GRAMD4: variants seen among roughly 807,000 people sequenced by gnomAD.
The protein encoded by GRAMD4 is GRAM domain containing 4.
In GRAMD4, 25 loss-of-function variants were observed where a neutral mutation model predicts 83.9. The ratio of observed to expected loss-of-function variants is 0.30; its 90% CI spans 0.22 to 0.42. The LOEUF is 0.42. GRAMD4 is among the 10% of genes least tolerant of loss of function. The pLI is 1.00. For synonymous variants in GRAMD4, 336 were observed against 320.9 expected (o/e 1.05, Z -0.50); for missense variants, 593 against 788.7 (o/e 0.75, Z 2.97).
downstream of GRAMD4, among the ~76,000 whole-genome samples, chr22:46,680,701 T>TCCATCCATCCATCCACCCAC (rs2082662130): frequency 8.0e-6 from 1 of 125,622 alleles, no homozygotes; most frequent in Non-Finnish European, 1.7e-5. Flanking sequence ...CATCCACCCA[T>TCCATCCATCCATCCACCCAC]CCATCCATCC....
chr22:46,662,879 C>T (rs1198414808), intron 5 of GRAMD4, among the ~76,000 whole-genome samples, 161 bp from the exon 6 acceptor site: 1 of 152,166 alleles, frequency 6.6e-6, no homozygotes, highest in African/African-American at 2.4e-5. Context: ...GTCCCTTGTA[C>T]AGGGACCCTT....
At chr22:46,617,441 T>C (rs57001719), upstream of GRAMD4, among the ~76,000 whole-genome samples, 119,967 of 149,446 alleles carry the variant, frequency 0.8, 48,540 homozygotes, top group East Asian at 1. Context: ...TGGGTGTAGG[T>C]TCCCCCCATA....
intron 1 of GRAMD4, among the ~76,000 whole-genome samples, chr22:46,587,564 C>T (rs1299623790): frequency 6.6e-6 from 1 of 151,844 alleles, no homozygotes; most frequent in African/African-American, 2.4e-5. Context: ...GGGCCTCCAC[C>T]AGCAGCATAC....
At chr22:46,606,839 C>T (rs2081370292) in intron 1 of GRAMD4, among the ~76,000 whole-genome samples, 1 of 152,256 alleles carries the variant, frequency 6.6e-6, no homozygotes, top group Non-Finnish European at 1.5e-5. Context: ...ATGGGTGTGC[C>T]AGTATCTCTT....
At chr22:46,630,676 T>C (rs2081757073) in intron 2 of GRAMD4, among the ~76,000 whole-genome samples, 1 of 152,172 alleles carries the variant, frequency 6.6e-6, no homozygotes, top group African/African-American at 2.4e-5. Flanking sequence ...CGGCTCAGGA[T>C]CTCACCCTGG....
rs1383364353 is a variant in GRAMD4, at chr22:46,659,566, G to A, written c.404+1259G>A. ...TGTCATTGTCAGGACTCCAAGTGTC[G>A]CTGCTTAGCTGGCCCTGAGGAAGCG... On this transcript the variant is annotated intron_variant, in intron 4 of 18. Coordinates refer to ENST00000406902, the MANE Select transcript of GRAMD4 (RefSeq NM_015124.5). This position sits in a 1 kb window ranked among gnomAD's most constrained non-coding sequence, Gnocchi z 4.1. 6.6e-6 allele frequency among the ~76,000 whole-genome samples: 1 copy of A among 152,214 alleles called. No homozygotes were observed. Among genetic ancestry groups the A allele is most frequent in the Non-Finnish European group, 1.5e-5 (1 of 68,038 alleles).
At position 46,672,459 on chromosome 22, in the gene GRAMD4, G is replaced by A. The variant is rs995954478; in HGVS notation, c.1085-384G>A. ...AGGGACCTCAGATTTGGTGTCAGGTGTGGGGAATTGGGGCAGAGGAGGCAC... is the reference window on the plus strand; with the variant it reads ...AGGGACCTCAGATTTGGTGTCAGGTATGGGGAATTGGGGCAGAGGAGGCAC... On this transcript the variant is annotated intron_variant, in intron 13 of 18. Transcript: ENST00000406902. This position sits in a 1 kb window ranked among gnomAD's most constrained non-coding sequence, Gnocchi z 4.7. 1.3e-5 allele frequency among the ~76,000 whole-genome samples: 2 copies of A among 152,042 alleles called. No homozygotes were observed. Among genetic ancestry groups the A allele is most frequent in the African/African-American group, 4.8e-5 (2 of 41,386 alleles).
intron 4 of GRAMD4, 87 bp downstream of exon 4, chr22:46,658,394 T>A: frequency 8.4e-7 from 1 of 1,192,948 alleles, no homozygotes; most frequent in Non-Finnish European, 1.1e-6. Context: ...GCTGCACCCA[T>A]AGCGTCTTGG....
At chr22:46,680,586 CCATCCAT>C (rs2082658496), downstream of GRAMD4, among the ~76,000 whole-genome samples, 3 of 23,136 alleles carry the variant, frequency 1.3e-4, no homozygotes, top group African/African-American at 2.0e-4. Flanking sequence ...ATCCATCCAT[CCATCCAT>C]CCACCCACCC....
intron 2 of GRAMD4, among the ~76,000 whole-genome samples, chr22:46,629,584 A>C (rs746266924): frequency 2.0e-5 from 3 of 152,140 alleles, no homozygotes; most frequent in Non-Finnish European, 4.4e-5. Flanking sequence ...AGCCTCCCAG[A>C]AACATCCTGA....
chr22:46,627,350 C>T (rs2081681875), intron 2 of GRAMD4, among the ~76,000 whole-genome samples: 1 of 152,246 alleles, frequency 6.6e-6, no homozygotes. Flanking sequence ...AGCCAAGGTG[C>T]ACGTTTCCAG....
intron 3 of GRAMD4, among the ~76,000 whole-genome samples, chr22:46,643,159 C>CCATGCATCCATCCATGCATGCATGCATG (rs1258467222): frequency 1.5e-4 from 7 of 45,270 alleles, no homozygotes; most frequent in Non-Finnish European, 3.2e-4. Flanking sequence ...ATCCATCCAT[C>CCATGCATCCATCCATGCATGCATGCATG]CATCCATCCA....
chr22:46,584,326 G>A (rs2147910330), intron 1 of GRAMD4, among the ~76,000 whole-genome samples: 1 of 152,234 alleles, frequency 6.6e-6, no homozygotes, highest in South Asian at 2.1e-4. Context: ...CCTCTTAGCT[G>A]ACAGCAAGGA....
At chr22:46,601,801 A>G (rs1011458025) in intron 1 of GRAMD4, among the ~76,000 whole-genome samples, 1 of 152,140 alleles carries the variant, frequency 6.6e-6, no homozygotes, top group Non-Finnish European at 1.5e-5. Flanking sequence ...GTCTCTAAAA[A>G]ACTTTTTTTT....
chr22:46,654,075 T>C (rs1310761134), intron 3 of GRAMD4, among the ~76,000 whole-genome samples: 2 of 151,070 alleles, frequency 1.3e-5, no homozygotes, highest in African/African-American at 4.9e-5. Flanking sequence ...CCTTCGCTTA[T>C]CCAGTGAGCC....
chr22:46,615,906 A>G (rs867153190), upstream of GRAMD4, among the ~76,000 whole-genome samples: 1 of 83,002 alleles, frequency 1.2e-5, no homozygotes, highest in African/African-American at 4.9e-5. Flanking sequence ...CTGTGCGTGT[A>G]GGTTCCCCCG....
chr22:46,601,561 C>T (rs1444816890), intron 1 of GRAMD4, among the ~76,000 whole-genome samples: 1 of 151,978 alleles, frequency 6.6e-6, no homozygotes, highest in East Asian at 1.9e-4. Context: ...CTTTGGGAGG[C>T]TAAGGCGGGG....
chr22:46,608,110 C>CATGCAGTA (rs1356991333), intron 1 of GRAMD4, among the ~76,000 whole-genome samples: 1 of 152,228 alleles, frequency 6.6e-6, no homozygotes, highest in Non-Finnish European at 1.5e-5. Context: ...GGTTCGTGGA[C>CATGCAGTA]ATGCAGTATT....
intron 1 of GRAMD4, among the ~76,000 whole-genome samples, chr22:46,607,584 C>A (rs2081378031): frequency 6.6e-6 from 1 of 152,192 alleles, no homozygotes; most frequent in Non-Finnish European, 1.5e-5. Flanking sequence ...CTTTGCTCCT[C>A]CCTGGATGCA....
Sources: allele counts gnomAD v4.1 joint callset (sites outside exome capture counted in the v4.1 genomes callset), GRCh38; gene constraint gnomAD v4.1.1; non-coding constraint Gnocchi (gnomAD v3.1); transcripts MANE v1.5; gene names NCBI Gene and HGNC (gene_info 2026-07-23, HGNC 2026-07-21).